Variants in FCHO2 observed in about 807,000 individuals in gnomAD.
FCHO2 encodes F-BAR domain only protein 2.
Under a neutral mutation model 114.1 loss-of-function variants are expected in FCHO2, and 43 were observed. The ratio of observed to expected loss-of-function variants is 0.38; its 90% CI spans 0.30 to 0.49. FCHO2 has a LOEUF of 0.49. Among genes scored for constraint, FCHO2 ranks in the 20% least tolerant of loss-of-function variants. The pLI, the probability that FCHO2 is intolerant of heterozygous loss-of-function variation, is 0.97. For synonymous variants in FCHO2, 293 were observed against 315.2 expected, an observed-to-expected ratio of 0.93 and a Z score of 0.75; for missense variants, 807 against 950.4, an observed-to-expected ratio of 0.85 and a Z score of 1.98.
At chr5:73,044,409 T>C (rs1756959501) in intron 11 of FCHO2, among the ~76,000 whole-genome samples, 1 of 152,160 alleles carries the variant, frequency 6.6e-6, no homozygotes, top group Non-Finnish European at 1.5e-5. Context: ...TGGCTATGTT[T>C]TTTCATTTTT....
intron 8 of FCHO2, among the ~76,000 whole-genome samples, chr5:73,031,520 A>G (rs1231010229): frequency 2.0e-5 from 3 of 152,232 alleles, no homozygotes; most frequent in African/African-American, 7.2e-5. Flanking sequence ...TCAGTCCACA[A>G]AACATTTGTG....
At chr5:73,020,377 C>T (rs1755554235) in intron 8 of FCHO2, among the ~76,000 whole-genome samples, 1 of 152,178 alleles carries the variant, frequency 6.6e-6, no homozygotes, top group Non-Finnish European at 1.5e-5. Flanking sequence ...CTGGCTTGTT[C>T]TTGGCATGAT....
intron 8 of FCHO2, among the ~76,000 whole-genome samples, chr5:73,024,002 G>A (rs987087312): frequency 6.6e-6 from 1 of 151,944 alleles, no homozygotes; most frequent in Non-Finnish European, 1.5e-5. Context: ...TTACCTTTAA[G>A]CTCACTGCTT....
At chr5:72,995,682 T>C (rs1457365043) in intron 5 of FCHO2, among the ~76,000 whole-genome samples, 3 of 152,142 alleles carry the variant, frequency 2.0e-5, no homozygotes, top group Admixed American at 6.5e-5. Flanking sequence ...TCTCAGAAGG[T>C]GCAGGACCTC....
At chr5:73,077,659 A>G (rs1211219633) in intron 21 of FCHO2, among the ~76,000 whole-genome samples, 166 bp downstream of exon 21, 1 of 152,088 alleles carries the variant, frequency 6.6e-6, no homozygotes, top group African/African-American at 2.4e-5. Context: ...GCAAAACCCC[A>G]TCTCTACCAA....
At chr5:73,060,610 G>T (rs779836446) in intron 17 of FCHO2, among the ~76,000 whole-genome samples, 1 of 151,844 alleles carries the variant, frequency 6.6e-6, no homozygotes, top group Admixed American at 6.6e-5. Context: ...CCTCTACCCA[G>T]GTACCCATTT....
chr5:73,082,683 A>G (rs537501445), intron 23 of FCHO2, 78 bp from the exon 24 acceptor site: 546 of 1,102,084 alleles, frequency 5.0e-4, no homozygotes, highest in Non-Finnish European at 6.6e-4. Flanking sequence ...TTTAAAATAC[A>G]CTTATTTATT....
chr5:73,041,335 A>T lies in FCHO2; in HGVS notation c.939+20A>T. On this transcript the variant is annotated intron_variant, in intron 11 of 25. Transcript: ENST00000430046. ...TCATTGGTAAGTAGATTTAACTTTGATATAAACAATTTAAATTAGTTATTT... is the reference window on the plus strand; with the variant it reads ...TCATTGGTAAGTAGATTTAACTTTGTTATAAACAATTTAAATTAGTTATTT... 7.0e-7 allele frequency: 1 copy of T among 1,421,420 alleles called. No homozygotes were observed. Among genetic ancestry groups the T allele is most frequent in the Non-Finnish European group, 9.9e-7 (1 of 1,014,518 alleles). 88.1% of individuals were successfully genotyped at this position (1,421,420 alleles called of 1,614,324 possible). A position where few individuals can be genotyped will look rare whatever the true frequency, so the allele number is the denominator to read the frequency against.
At chr5:72,997,581 T>C (rs1002582029) in intron 5 of FCHO2, 3 of 1,347,742 alleles carry the variant, frequency 2.2e-6, no homozygotes. Flanking sequence ...CTGGATGCCC[T>C]CAGGTTCACC....
At chr5:73,008,517 A>C (rs181878940) in intron 6 of FCHO2, among the ~76,000 whole-genome samples, 71 of 152,154 alleles carry the variant, frequency 4.7e-4, no homozygotes, top group Non-Finnish European at 2.2e-4. Flanking sequence ...AGTTTGATGG[A>C]AGGAAGGGAT....
intron 8 of FCHO2, 47 bp from the exon 9 acceptor site, chr5:73,034,610 C>A: frequency 6.8e-7 from 1 of 1,463,284 alleles, no homozygotes; most frequent in South Asian, 1.3e-5. Context: ...TAAAATTTAC[C>A]TAATAGTTTT....
At chr5:73,060,935 C>G (rs1254025042) in intron 17 of FCHO2, among the ~76,000 whole-genome samples, 1 of 151,398 alleles carries the variant, frequency 6.6e-6, no homozygotes, top group Admixed American at 6.6e-5. Flanking sequence ...TATCTTACGC[C>G]TACCTCCCCT....
rs79243628 is a variant in FCHO2 at position 73,017,504 on chromosome 5, A to T, written c.796+196A>T. 3.6e-3 allele frequency among the ~76,000 whole-genome samples: 543 copies of T among 152,300 alleles called. 5 individuals are homozygous for T. Among genetic ancestry groups the T allele is most frequent in the African/African-American group, 0.013 (528 of 41,574 alleles). Reference sequence around the variant, plus strand: ...CCTAAAAATTTGTATAAAATCTCAGATATTACTATTTTTATGTCTGATGAT... The same window carrying T: ...CCTAAAAATTTGTATAAAATCTCAGTTATTACTATTTTTATGTCTGATGAT... On this transcript the variant is annotated intron_variant, in intron 8 of 25. Transcript: ENST00000430046.
intron 11 of FCHO2, 26 bp from the exon 12 acceptor site, chr5:73,051,323 A>C (rs1757325923): frequency 6.9e-7 from 1 of 1,459,212 alleles, no homozygotes; most frequent in Non-Finnish European, 9.3e-7. Context: ...AGTTGTCATT[A>C]TAATTTTTTT....
intron 5 of FCHO2, chr5:72,997,324 C>T (rs191647353): frequency 6.4e-7 from 1 of 1,568,318 alleles, no homozygotes; most frequent in Non-Finnish European, 8.8e-7. Flanking sequence ...AGATCTATGG[C>T]TCTGCTGTGG....
intron 24 of FCHO2, among the ~76,000 whole-genome samples, chr5:73,085,952 G>A (rs754880551): frequency 2.6e-5 from 4 of 151,526 alleles, no homozygotes; most frequent in Non-Finnish European, 5.9e-5. Context: ...GTGAAACCCT[G>A]TCTCTACTAA....
At chr5:73,023,114 G>A (rs1377125180) in intron 8 of FCHO2, among the ~76,000 whole-genome samples, 2 of 152,140 alleles carry the variant, frequency 1.3e-5, no homozygotes, top group African/African-American at 4.8e-5. Flanking sequence ...TTTGTATTCT[G>A]AAAGGGATAA....
At chr5:73,027,020 T>TG (rs1482492065) in intron 8 of FCHO2, among the ~76,000 whole-genome samples, 1 of 125,234 alleles carries the variant, frequency 8.0e-6, no homozygotes. Flanking sequence ...GTTTGTTTGT[T>TG]TTTTTTTTTT....
intron 11 of FCHO2, among the ~76,000 whole-genome samples, chr5:73,049,895 T>C (rs113518939): frequency 5.1e-4 from 77 of 152,310 alleles, no homozygotes; most frequent in African/African-American, 1.8e-3. Flanking sequence ...GATATATACA[T>C]ACATATACAT....
Sources: gnomAD v4.1 joint callset for allele counts (sites outside exome capture counted in the v4.1 genomes callset) on GRCh38, gnomAD v4.1.1 for gene constraint, MANE v1.5 for transcripts, NCBI Gene and HGNC (gene_info 2026-07-23, HGNC 2026-07-21) for gene names.